RBMS3: variants seen among roughly 807,000 people sequenced by gnomAD.
The protein encoded by RBMS3 is RNA binding motif single stranded interacting protein 3.
RBMS3 carries 27 observed loss-of-function variants against 66.8 expected under a neutral mutation model. That is an observed-to-expected ratio of 0.40 (90% CI 0.30 to 0.56). RBMS3 has a LOEUF of 0.56. Ranked by LOEUF, RBMS3 falls within the 20% of genes least tolerant of loss-of-function variation. The probability of loss-of-function intolerance (pLI) is 0.40; values close to 1 mark genes in which losing one functional copy is unlikely to be tolerated. For missense variants in RBMS3, 513 were observed against 549.5 expected (o/e 0.93, Z 0.66); for synonymous variants, 188 against 183.0 (o/e 1.03, Z -0.22).
intron 6 of RBMS3, among the ~76,000 whole-genome samples, chr3:29,775,118 G>A (rs192274331): frequency 6.8e-4 from 104 of 151,864 alleles, no homozygotes; most frequent in African/African-American, 2.3e-3. Context: ...AGATAAAGGC[G>A]AAGTTTAAAA....
intron 1 of RBMS3, among the ~76,000 whole-genome samples, chr3:29,370,370 G>C (rs1396017621): frequency 6.6e-6 from 1 of 152,196 alleles, no homozygotes; most frequent in Non-Finnish European, 1.5e-5. Flanking sequence ...TTTCATGTTA[G>C]ATAACTTGTT....
chr3:29,816,145 A>G (rs990896835), intron 6 of RBMS3, among the ~76,000 whole-genome samples: 8 of 152,100 alleles, frequency 5.3e-5, no homozygotes. Flanking sequence ...TTTCTGACAT[A>G]TGGTTTGACC....
Position 29,595,968 on chromosome 3 carries a change from G to A in RBMS3, c.399+8763G>A, listed in dbSNP as rs2047930170. 2.0e-5 allele frequency among the ~76,000 whole-genome samples: 3 copies of A among 152,128 alleles called. No homozygotes were observed. The South Asian group carries it at 6.2e-4, about 32-fold the overall frequency. ...AGGGAGAGAGCAATGAGCCACGCTT[G>A]CTGAGCTCTTGCTCTCAAACTCACA... is the stretch of plus-strand genomic sequence containing the variant. On this transcript the variant is annotated intron_variant, in intron 4 of 14. Transcript: ENST00000383767.
chr3:29,855,799 C>T (rs1432618353), intron 6 of RBMS3, among the ~76,000 whole-genome samples: 1 of 152,138 alleles, frequency 6.6e-6, no homozygotes. Context: ...TGTCAGGGTG[C>T]CTTCCACGCT....
At chr3:29,689,572 GA>G (rs879525614) in intron 4 of RBMS3, among the ~76,000 whole-genome samples, 5 of 151,962 alleles carry the variant, frequency 3.3e-5, no homozygotes, top group Non-Finnish European at 7.4e-5. Context: ...AAGCAGAGTG[GA>G]AAATATATAA....
intron 1 of RBMS3, among the ~76,000 whole-genome samples, chr3:29,337,823 C>T (rs909128850): frequency 6.6e-6 from 1 of 152,108 alleles, no homozygotes; most frequent in African/African-American, 2.4e-5. Flanking sequence ...ACTGTGTTTC[C>T]AGTAAAACAG....
chr3:29,415,651 T>C (rs2040447928), intron 1 of RBMS3, among the ~76,000 whole-genome samples: 1 of 152,134 alleles, frequency 6.6e-6, no homozygotes, highest in Non-Finnish European at 1.5e-5. Context: ...CCTTAATCCA[T>C]ATGTGAAGTG....
At chr3:29,490,097 T>TA (rs2043480432) in intron 3 of RBMS3, among the ~76,000 whole-genome samples, 1 of 148,008 alleles carries the variant, frequency 6.8e-6, no homozygotes, top group South Asian at 2.2e-4. Context: ...AGAAAGGGGT[T>TA]AAAATTGTGT....
At chr3:29,777,528 C>A (rs575735818) in intron 6 of RBMS3, among the ~76,000 whole-genome samples, 2 of 151,956 alleles carry the variant, frequency 1.3e-5, no homozygotes, top group East Asian at 3.9e-4. Flanking sequence ...AAATATATGA[C>A]ATAATACTTT....
chr3:29,766,861 A>G (rs1446044755), intron 6 of RBMS3: 4 of 151,952 alleles, frequency 2.6e-5, no homozygotes, highest in African/African-American at 4.8e-5. Flanking sequence ...AATAGTGTCA[A>G]TCGTTTGAGT....
At chr3:29,444,419 G>C (rs1053856646) in intron 2 of RBMS3, among the ~76,000 whole-genome samples, 2 of 152,066 alleles carry the variant, frequency 1.3e-5, no homozygotes, top group South Asian at 4.1e-4. Flanking sequence ...TACATAGGGA[G>C]TGTGTATAAC....
intron 4 of RBMS3, among the ~76,000 whole-genome samples, chr3:29,684,088 A>G (rs1474117584): frequency 1.3e-5 from 2 of 152,240 alleles, no homozygotes; most frequent in African/African-American, 4.8e-5. Flanking sequence ...TGTTATAAGT[A>G]CAGTTCATTT....
At chr3:29,848,283 A>G (rs1329255976) in intron 6 of RBMS3, among the ~76,000 whole-genome samples, 2 of 152,002 alleles carry the variant, frequency 1.3e-5, no homozygotes, top group East Asian at 1.9e-4. Context: ...GCCATAAGTC[A>G]TTTTTCTTCC....
At chr3:29,674,389 G>A (rs1207157863) in intron 4 of RBMS3, among the ~76,000 whole-genome samples, 1 of 152,088 alleles carries the variant, frequency 6.6e-6, no homozygotes, top group African/African-American at 2.4e-5. Flanking sequence ...ACATAGTGTC[G>A]GAAGTTCTGG....
At chr3:29,885,182 A>G (rs1462150443) in intron 8 of RBMS3, among the ~76,000 whole-genome samples, 2 of 151,862 alleles carry the variant, frequency 1.3e-5, no homozygotes, top group African/African-American at 4.8e-5. Context: ...AAAACAATGT[A>G]TGATATGAGA....
rs925059293 is a variant in RBMS3 at position 29,388,169 on chromosome 3, T to C, written c.76-46574T>C. ...AATACATGTGTATCACCACTCCCTT[T>C]ACCCCTAGCTTTTCATATACCTTTA... On this transcript the variant is annotated intron_variant, in intron 1 of 14. Coordinates refer to ENST00000383767, the MANE Select transcript of RBMS3 (RefSeq NM_001003793.3). Among the ~76,000 whole-genome samples, 8 of 152,256 alleles carry C rather than the reference T, an allele frequency of 5.3e-5. No homozygotes were observed. In the South Asian group the frequency reaches 1.2e-3, roughly 24 times the overall value.
chr3:29,358,519 G>A (rs147845686), intron 1 of RBMS3, among the ~76,000 whole-genome samples: 6,208 of 152,148 alleles, frequency 0.041, 155 homozygotes, highest in Middle Eastern at 0.071. Flanking sequence ...GGATTGACTT[G>A]GCAATGCAGG....
At chr3:29,799,151 AT>A (rs2057311074) in intron 6 of RBMS3, among the ~76,000 whole-genome samples, 2 of 152,270 alleles carry the variant, frequency 1.3e-5, no homozygotes, top group Non-Finnish European at 2.9e-5. Context: ...AGTTGACCTA[AT>A]GCTAAACTAA....
chr3:29,917,437 C>A (rs1199600836), intron 10 of RBMS3, among the ~76,000 whole-genome samples: 2 of 152,084 alleles, frequency 1.3e-5, no homozygotes, highest in Non-Finnish European at 2.9e-5. Context: ...CAGATATGTG[C>A]TGCACCATAT....
Sources: gnomAD v4.1 joint callset for allele counts (sites outside exome capture counted in the v4.1 genomes callset) on GRCh38, gnomAD v4.1.1 for gene constraint, MANE v1.5 for transcripts, NCBI Gene and HGNC (gene_info 2026-07-23, HGNC 2026-07-21) for gene names.